The following PTPRD variants were observed in gnomAD, a reference collection of about 807,000 sequenced individuals.
PTPRD encodes the protein receptor-type tyrosine-protein phosphatase delta.
PTPRD carries 34 observed loss-of-function variants against 214.5 expected under a neutral mutation model. That is an observed-to-expected ratio of 0.16 (90% CI 0.12 to 0.21). PTPRD has a LOEUF of 0.21. Among genes scored for constraint, PTPRD ranks in the 10% least tolerant of loss-of-function variants. The pLI is 1.00. For synonymous variants in PTPRD, 1,128 were observed against 845.7 expected (o/e 1.33, Z -5.79); for missense variants, 2,545 against 2,398.7 (o/e 1.06, Z -1.27).
intron 5 of PTPRD, among the ~76,000 whole-genome samples, chr9:9,890,533 T>C (rs1039853040): frequency 6.6e-6 from 1 of 152,092 alleles, no homozygotes. Context: ...CTATTAAAAT[T>C]GCTGTGTGGT....
At chr9:10,201,385 A>C (rs1159239366) in intron 3 of PTPRD, among the ~76,000 whole-genome samples, 1 of 152,124 alleles carries the variant, frequency 6.6e-6, no homozygotes, top group African/African-American at 2.4e-5. Flanking sequence ...GTAAATTGGC[A>C]TACTTAAAGT....
At chr9:8,785,863 T>C (rs2095928995) in intron 11 of PTPRD, among the ~76,000 whole-genome samples, 2 of 152,230 alleles carry the variant, frequency 1.3e-5, no homozygotes, top group Non-Finnish European at 2.9e-5. Flanking sequence ...AACTCTCCTG[T>C]AATGTATTAC....
intron 11 of PTPRD, among the ~76,000 whole-genome samples, chr9:8,950,786 C>T (rs1300007946): frequency 6.6e-6 from 1 of 151,278 alleles, no homozygotes; most frequent in Non-Finnish European, 1.5e-5. Context: ...AATGTGAACA[C>T]TAAGGCCAGA....
chr9:9,621,740 G>A (rs189870515), intron 7 of PTPRD, among the ~76,000 whole-genome samples: 4 of 152,202 alleles, frequency 2.6e-5, no homozygotes, highest in Non-Finnish European at 4.4e-5. Context: ...AGTGGAGCAC[G>A]CCTGGGCTGG....
At chr9:10,304,458 G>A (rs918229374) in intron 3 of PTPRD, among the ~76,000 whole-genome samples, 2 of 152,136 alleles carry the variant, frequency 1.3e-5, no homozygotes, top group African/African-American at 2.4e-5. Context: ...AATGGGAAGA[G>A]AGGAAGTCAA....
chr9:8,815,586 C>A (rs2096903649), intron 11 of PTPRD, among the ~76,000 whole-genome samples: 1 of 152,138 alleles, frequency 6.6e-6, no homozygotes. Context: ...CAAATTTTGT[C>A]ACTAATCATG....
chr9:9,002,989 A>G (rs1279488171), intron 11 of PTPRD, among the ~76,000 whole-genome samples: 1 of 152,062 alleles, frequency 6.6e-6, no homozygotes, highest in Non-Finnish European at 1.5e-5. Context: ...CTGGAAATTA[A>G]TCACCGTAGA....
At chr9:8,848,080 A>C (rs2097734755) in intron 11 of PTPRD, among the ~76,000 whole-genome samples, 1 of 152,034 alleles carries the variant, frequency 6.6e-6, no homozygotes, top group South Asian at 2.1e-4. Context: ...ATTTCATTTA[A>C]ACACTTCTGC....
chr9:8,808,121 G>A (rs1382688690), intron 11 of PTPRD, among the ~76,000 whole-genome samples: 1 of 152,064 alleles, frequency 6.6e-6, no homozygotes, highest in South Asian at 2.1e-4. Context: ...AAGTATCATC[G>A]TGTTTTGTCT....
At chr9:10,235,860 G>C (rs552048677) in intron 3 of PTPRD, among the ~76,000 whole-genome samples, 1 of 152,070 alleles carries the variant, frequency 6.6e-6, no homozygotes, top group East Asian at 1.9e-4. Context: ...AGTATTAGTA[G>C]ACTGTCTCGC....
intron 10 of PTPRD, among the ~76,000 whole-genome samples, chr9:9,137,895 G>A (rs1405085220): frequency 6.6e-6 from 1 of 151,998 alleles, no homozygotes; most frequent in Admixed American, 6.6e-5. Flanking sequence ...TCCATTTCCC[G>A]ACCATTGTTT....
intron 10 of PTPRD, among the ~76,000 whole-genome samples, chr9:9,027,122 A>C (rs1297880455): frequency 6.6e-6 from 1 of 151,636 alleles, no homozygotes; most frequent in Non-Finnish European, 1.5e-5. Context: ...GCTTTCTTGC[A>C]TGACATCTGG....
chr9:8,385,752 T>G (rs1400443619), intron 37 of PTPRD, among the ~76,000 whole-genome samples: 1 of 152,182 alleles, frequency 6.6e-6, no homozygotes, highest in Non-Finnish European at 1.5e-5. Context: ...GCAGCCGGAA[T>G]GTTCTATTTT....
At chr9:10,555,062 A>G (rs930366801) in intron 2 of PTPRD, among the ~76,000 whole-genome samples, 1 of 152,238 alleles carries the variant, frequency 6.6e-6, no homozygotes, top group Non-Finnish European at 1.5e-5. Flanking sequence ...TGAAATTGTT[A>G]TAATTTATTT....
At chr9:9,309,969 G>T (rs775036519) in intron 9 of PTPRD, among the ~76,000 whole-genome samples, 15 of 151,794 alleles carry the variant, frequency 9.9e-5, no homozygotes, top group Non-Finnish European at 1.6e-4. Context: ...CCCTTACATA[G>T]GATTAAGTTT....
chr9:10,535,313 A>G (rs1276515258), intron 2 of PTPRD, among the ~76,000 whole-genome samples: 1 of 152,142 alleles, frequency 6.6e-6, no homozygotes, highest in African/African-American at 2.4e-5. Flanking sequence ...ATATTGATGA[A>G]TCTCAAATTT....
chr9:9,927,131 C>T (rs989511931), intron 5 of PTPRD, among the ~76,000 whole-genome samples: 1 of 152,036 alleles, frequency 6.6e-6, no homozygotes, highest in African/African-American at 2.4e-5. Context: ...ATATACTTAA[C>T]CAGTATAAAA....
chr9:10,171,184 AAT>A (rs2099202366), intron 3 of PTPRD, among the ~76,000 whole-genome samples: 1 of 152,260 alleles, frequency 6.6e-6, no homozygotes, highest in African/African-American at 2.4e-5. Context: ...CAACTTCTTA[AAT>A]ACTCATTTTA....
chr9:10,334,718 T>C (rs539176318), intron 3 of PTPRD, among the ~76,000 whole-genome samples: 1 of 151,582 alleles, frequency 6.6e-6, no homozygotes, highest in East Asian at 2.0e-4. Context: ...ATAGCAAGGA[T>C]TCAGCACACA....
Sources: gnomAD v4.1 joint callset for allele counts (sites outside exome capture counted in the v4.1 genomes callset) on GRCh38, gnomAD v4.1.1 for gene constraint, MANE v1.5 for transcripts, NCBI Gene and HGNC (gene_info 2026-07-23, HGNC 2026-07-21) for gene names.